The following ARHGAP25 variants were observed in gnomAD, a reference collection of about 807,000 sequenced individuals.
ARHGAP25 encodes rho GTPase-activating protein 25.
ARHGAP25 carries 34 observed loss-of-function variants against 71.0 expected under a neutral mutation model. The ratio of observed to expected loss-of-function variants is 0.48; its 90% CI spans 0.36 to 0.64. The LOEUF is 0.64. ARHGAP25 is among the 30% of genes least tolerant of loss of function. The probability of loss-of-function intolerance (pLI) is 0.00; values close to 1 mark genes in which losing one functional copy is unlikely to be tolerated. For missense variants in ARHGAP25, 706 were observed against 805.1 expected (o/e 0.88, Z 1.49); for synonymous variants, 282 against 296.5 (o/e 0.95, Z 0.50).
intron 2 of ARHGAP25, among the ~76,000 whole-genome samples, chr2:68,778,425 C>T (rs946713821): frequency 6.6e-6 from 1 of 151,782 alleles, no homozygotes; most frequent in Non-Finnish European, 1.5e-5. Context: ...AAGTATTAAC[C>T]GTGGTTATCT....
chr2:68,810,064 C>G (rs1358626789), intron 5 of ARHGAP25, among the ~76,000 whole-genome samples: 2 of 150,452 alleles, frequency 1.3e-5, no homozygotes, highest in Non-Finnish European at 2.9e-5. Context: ...CTTGGGTAAT[C>G]CCTAGTGCAT....
intron 1 of ARHGAP25, among the ~76,000 whole-genome samples, chr2:68,745,185 G>A (rs1450060020): frequency 1.3e-5 from 2 of 152,078 alleles, no homozygotes; most frequent in African/African-American, 4.8e-5. Context: ...TGAAAAATGG[G>A]GCCGGTAGTT....
intron 2 of ARHGAP25, 59 bp downstream of exon 2, chr2:68,775,479 G>T (rs929205750): frequency 2.5e-6 from 4 of 1,609,592 alleles, no homozygotes; most frequent in Admixed American, 3.4e-5. Context: ...CCTGGAGCCC[G>T]CTGGGATTTC....
chr2:68,778,305 G>A (rs7349231), intron 2 of ARHGAP25, among the ~76,000 whole-genome samples: 131 of 151,842 alleles, frequency 8.6e-4, no homozygotes, highest in Non-Finnish European at 1.3e-3. Context: ...TAACATTACT[G>A]TCTTTAAAAA....
At position 68,768,771 on chromosome 2, in the gene ARHGAP25, C is replaced by T. The variant is rs190586186; in HGVS notation, c.62-6450C>T. On this transcript the variant is annotated intron_variant, in intron 1 of 10. Transcript: ENST00000409202. Reference sequence around the variant, plus strand: ...CCTTACTTATCAAAAGCAAAACTCTCGGGAAGCTTGAAGCTCTCAGTCCAC... The same window carrying T: ...CCTTACTTATCAAAAGCAAAACTCTTGGGAAGCTTGAAGCTCTCAGTCCAC... 5.9e-5 allele frequency among the ~76,000 whole-genome samples: 9 copies of T among 152,296 alleles called. No homozygotes were observed. In the East Asian group the frequency reaches 1.5e-3, roughly 26 times the overall value.
At chr2:68,711,786 G>C (rs932089066) in intron 2 of ARHGAP25, among the ~76,000 whole-genome samples, 1 of 150,556 alleles carries the variant, frequency 6.6e-6, no homozygotes, top group Non-Finnish European at 1.5e-5. Context: ...TTCTGTTACT[G>C]TGTTAGTTTG....
chr2:68,810,962 G>A (rs1004075158), intron 5 of ARHGAP25, among the ~76,000 whole-genome samples: 18 of 152,170 alleles, frequency 1.2e-4, no homozygotes, highest in East Asian at 3.9e-4. Context: ...GGCTGGTCTC[G>A]AACTCCTGAC....
In ARHGAP25 at chr2:68,813,571, A is replaced by T. The variant is rs1299099564; in HGVS notation, c.807+152A>T. ...TCAGCAACAAAAGGTATATGAACTC[A>T]ATCATAATGACTGGCAAACCACAGC... On this transcript the variant is annotated intron_variant, in intron 6 of 10. Transcript: ENST00000409202. 1.5e-5 allele frequency: 12 copies of T among 821,316 alleles called. No individual in the cohort carries two copies. In the East Asian group the frequency reaches 3.4e-4, roughly 23 times the overall value. The allele number at this position is 821,316 out of a possible 1,614,324, so 50.9% of individuals were successfully genotyped here.
chr2:68,820,762 T>C (rs78954815), intron 9 of ARHGAP25, among the ~76,000 whole-genome samples: 5,591 of 151,314 alleles, frequency 0.037, 349 homozygotes, highest in African/African-American at 0.13. Flanking sequence ...CTGCCTTAGT[T>C]TCTTATTTAT....
At position 68,826,242 on chromosome 2, in the gene ARHGAP25, GC is replaced by G; in HGVS notation, c.*52del. 2 of 1,564,682 alleles carry G rather than the reference GC, an allele frequency of 1.3e-6. No individual in the cohort carries two copies. The highest frequency in any genetic ancestry group is 3.3e-5 in the Admixed American group (2 of 59,782). On this transcript the variant is annotated 3_prime_UTR_variant, in exon 11 of 11. Coordinates refer to ENST00000409202, the MANE Select transcript of ARHGAP25 (RefSeq NM_001007231.3). The stretch of plus-strand genomic sequence containing the variant: ...ACAGCCCCAGAGAGGCCCAACTCTG[GC>G]CCCTTTCTCAGTGCTATCTGATGAC...
At position 68,770,022 on chromosome 2, in the gene ARHGAP25, C is replaced by T. The variant is rs76353987; in HGVS notation, c.62-5199C>T. Among the ~76,000 whole-genome samples, 608 of 152,236 alleles carry T rather than the reference C, an allele frequency of 4.0e-3. 7 individuals carry two copies. Among genetic ancestry groups the T allele is most frequent in the East Asian group, 0.03 (155 of 5,178 alleles). On this transcript the variant is annotated intron_variant, in intron 1 of 10. Transcript: ENST00000409202. Reference sequence around the variant, plus strand: ...TCAGAATTCTGTTTGAGAAGGCTCACGTCATAAGCAATGCTGTCAGTGCTG... The same window carrying T: ...TCAGAATTCTGTTTGAGAAGGCTCATGTCATAAGCAATGCTGTCAGTGCTG...
At chr2:68,719,768 T>C (rs1234307680) in intron 2 of ARHGAP25, among the ~76,000 whole-genome samples, 1 of 152,168 alleles carries the variant, frequency 6.6e-6, no homozygotes, top group Non-Finnish European at 1.5e-5. Context: ...ACAGTAGATA[T>C]TATCACCCTA....
chr2:68,746,709 C>CCA (rs531509898), intron 1 of ARHGAP25, among the ~76,000 whole-genome samples: 8 of 145,952 alleles, frequency 5.5e-5, no homozygotes, highest in African/African-American at 1.3e-4. Flanking sequence ...GACCACCCCC[C>CCA]TCCCCATCCC....
At position 68,813,194 on chromosome 2, in the gene ARHGAP25, G is replaced by A. The variant is rs1019609438; in HGVS notation, c.675-93G>A. The A allele has an allele frequency of 2.9e-6, 4 of 1,395,800 alleles. No homozygotes were observed. The African/African-American group carries it at 5.8e-5, about 20-fold the overall frequency. The allele number at this position is 1,395,800 out of a possible 1,614,324, so 86.5% of individuals were successfully genotyped here. A position where few individuals can be genotyped will look rare whatever the true frequency, so the allele number is the denominator to read the frequency against. Reference sequence around the variant, plus strand: ...GCAAAATTTCCCTTTGTAATTTATGGTTCTATTCACTGAATCATCAGAATG... The same window carrying A: ...GCAAAATTTCCCTTTGTAATTTATGATTCTATTCACTGAATCATCAGAATG... On this transcript the variant is annotated intron_variant, in intron 5 of 10. Coordinates refer to ENST00000409202, the MANE Select transcript of ARHGAP25 (RefSeq NM_001007231.3).
At chr2:68,787,414 C>G (rs1218494790) in intron 3 of ARHGAP25, among the ~76,000 whole-genome samples, 1 of 152,214 alleles carries the variant, frequency 6.6e-6, no homozygotes, top group Non-Finnish European at 1.5e-5. Flanking sequence ...GTTGTCATCT[C>G]CTACCCTACC....
chr2:68,776,909 T>A (rs1165058031), intron 2 of ARHGAP25, among the ~76,000 whole-genome samples: 1 of 151,984 alleles, frequency 6.6e-6, no homozygotes, highest in Non-Finnish European at 1.5e-5. Context: ...GAGGACTGTT[T>A]TCTTTAAGGG....
chr2:68,723,782 T>G (rs1220535200), intron 2 of ARHGAP25, among the ~76,000 whole-genome samples: 3 of 152,114 alleles, frequency 2.0e-5, no homozygotes, highest in Admixed American at 6.5e-5. Flanking sequence ...GTGGTTTATT[T>G]CATTTTGGAA....
Position 68,817,893 on chromosome 2 carries a change from T to C in ARHGAP25, c.902T>C (p.Leu301Pro). 1 of 1,614,050 alleles carries C rather than the reference T, an allele frequency of 6.2e-7. No homozygotes were observed. The highest frequency in any genetic ancestry group is 8.5e-7 in the Non-Finnish European group (1 of 1,179,912). ...YICRFLHEIQLNCAVNKMSVD... is the reference protein window; with the variant it reads ...YICRFLHEIQPNCAVNKMSVD... The stretch of plus-strand genomic sequence containing the variant: ...TGTAGGTTCCTACATGAAATACAGC[T>C]GAACTGTGCTGTTAACAAGATGAGT... Residue 301 changes from leucine (L) to proline (P), a missense_variant, in exon 8 of 11, where the codon CTG becomes CCG. Transcript: ENST00000409202.
intron 5 of ARHGAP25, among the ~76,000 whole-genome samples, chr2:68,809,705 G>A (rs1218845168): frequency 2.6e-5 from 4 of 152,118 alleles, no homozygotes; most frequent in African/African-American, 9.7e-5. Flanking sequence ...ATTTGGGAGA[G>A]CAAGGAGCTC....
Sources: gnomAD v4.1 joint callset for allele counts (sites outside exome capture counted in the v4.1 genomes callset) on GRCh38, gnomAD v4.1.1 for gene constraint, MANE v1.5 for transcripts, NCBI Gene and HGNC (gene_info 2026-07-23, HGNC 2026-07-21) for gene names.